Variants in EDIL3 observed in about 807,000 individuals in gnomAD.
EDIL3 encodes the protein EGF like and discoidin domains 3.
In EDIL3, 37 loss-of-function variants were observed where a neutral mutation model predicts 67.4. The ratio of observed to expected loss-of-function variants is 0.55; its 90% CI spans 0.42 to 0.72. The LOEUF is 0.72. EDIL3 is among the 30% of genes least tolerant of loss of function. EDIL3 has a pLI of 0.00. For synonymous variants in EDIL3, 195 were observed against 196.3 expected (o/e 0.99, Z 0.05); for missense variants, 527 against 586.3 (o/e 0.90, Z 1.04).
intron 1 of EDIL3, among the ~76,000 whole-genome samples, chr5:84,374,002 C>T (rs1275601550): frequency 6.6e-5 from 10 of 151,552 alleles, no homozygotes; most frequent in South Asian, 2.1e-4. Flanking sequence ...TTTAAGGGGA[C>T]GAATGATGGA....
At chr5:84,167,857 G>A (rs1748736066) in intron 4 of EDIL3, among the ~76,000 whole-genome samples, 1 of 152,096 alleles carries the variant, frequency 6.6e-6, no homozygotes, top group South Asian at 2.1e-4. Context: ...CAACAACCAT[G>A]CTGTCATTAT....
At chr5:84,034,129 G>C (rs554535219) in intron 9 of EDIL3, among the ~76,000 whole-genome samples, 88 of 152,248 alleles carry the variant, frequency 5.8e-4, no homozygotes, top group African/African-American at 2.1e-3. Context: ...TTTTAAAAGA[G>C]TAATTTGTCA....
intron 10 of EDIL3, among the ~76,000 whole-genome samples, chr5:83,948,654 T>G (rs1002337825): frequency 1.3e-5 from 2 of 151,776 alleles, no homozygotes; most frequent in African/African-American, 4.8e-5. Context: ...TTTTTAAACA[T>G]TTTAGTTAGT....
At chr5:83,947,594 T>G (rs1445529453) in intron 10 of EDIL3, among the ~76,000 whole-genome samples, 1 of 151,836 alleles carries the variant, frequency 6.6e-6, no homozygotes, top group Non-Finnish European at 1.5e-5. Flanking sequence ...GGAAGAGAAC[T>G]CAGAGATCTG....
intron 1 of EDIL3, among the ~76,000 whole-genome samples, chr5:84,358,755 G>A (rs1370861981): frequency 4.0e-5 from 6 of 151,542 alleles, no homozygotes; most frequent in Non-Finnish European, 7.4e-5. Context: ...GACTACAGGC[G>A]CCTGCCACAA....
intron 1 of EDIL3, among the ~76,000 whole-genome samples, chr5:84,367,967 C>G (rs1014454116): frequency 6.6e-6 from 1 of 152,122 alleles, no homozygotes; most frequent in African/African-American, 2.4e-5. Flanking sequence ...ATAAGTACAA[C>G]TATAAGGTGA....
intron 4 of EDIL3, among the ~76,000 whole-genome samples, chr5:84,149,527 A>G (rs577512992): frequency 6.6e-6 from 1 of 152,296 alleles, no homozygotes; most frequent in East Asian, 1.9e-4. Context: ...GAAGGATCAA[A>G]CTGTTTCCAA....
At chr5:84,278,497 A>C (rs868014700) in intron 1 of EDIL3, among the ~76,000 whole-genome samples, 5 of 152,102 alleles carry the variant, frequency 3.3e-5, no homozygotes, top group Non-Finnish European at 5.9e-5. Context: ...TGATCTTCTC[A>C]TTTTCATTCT....
chr5:84,334,804 C>T (rs921580741), intron 1 of EDIL3, among the ~76,000 whole-genome samples: 1 of 151,960 alleles, frequency 6.6e-6, no homozygotes, highest in Non-Finnish European at 1.5e-5. Context: ...TCAGTAAATA[C>T]TATTTTTTAA....
At chr5:84,210,425 A>G (rs1042179123) in intron 3 of EDIL3, among the ~76,000 whole-genome samples, 4 of 152,136 alleles carry the variant, frequency 2.6e-5, no homozygotes, top group Admixed American at 2.6e-4. Flanking sequence ...TTAAAGTTGG[A>G]CAAACTGTAT....
At chr5:84,178,407 C>A (rs556589479) in intron 4 of EDIL3, among the ~76,000 whole-genome samples, 4 of 152,234 alleles carry the variant, frequency 2.6e-5, no homozygotes, top group Admixed American at 2.0e-4. Context: ...GCAATCCTTG[C>A]AAGAGTTTAA....
At chr5:84,305,073 C>G (rs892015813) in intron 1 of EDIL3, among the ~76,000 whole-genome samples, 1 of 152,080 alleles carries the variant, frequency 6.6e-6, no homozygotes, top group Non-Finnish European at 1.5e-5. Flanking sequence ...TGCAAACTAA[C>G]AGAATAAAAT....
At chr5:84,310,296 G>A (rs1035891398) in intron 1 of EDIL3, among the ~76,000 whole-genome samples, 1 of 152,090 alleles carries the variant, frequency 6.6e-6, no homozygotes, top group Non-Finnish European at 1.5e-5. Context: ...ATTAATGAAG[G>A]TAATTTATCC....
At chr5:84,369,568 T>C (rs1034455417) in intron 1 of EDIL3, among the ~76,000 whole-genome samples, 3 of 151,980 alleles carry the variant, frequency 2.0e-5, no homozygotes, top group East Asian at 3.9e-4. Flanking sequence ...AGGATGGTGG[T>C]TGTCAGGGGC....
At chr5:84,194,433 G>A (rs933984258) in intron 3 of EDIL3, among the ~76,000 whole-genome samples, 6 of 151,848 alleles carry the variant, frequency 4.0e-5, no homozygotes, top group African/African-American at 9.7e-5. Flanking sequence ...TAAACAATGT[G>A]TGGAAGAAAA....
At chr5:84,178,830 C>T (rs1016780273) in intron 4 of EDIL3, among the ~76,000 whole-genome samples, 2 of 152,138 alleles carry the variant, frequency 1.3e-5, no homozygotes, top group Non-Finnish European at 2.9e-5. Context: ...CACTGCAATT[C>T]CCACTGCAAT....
At chr5:84,236,853 A>G (rs1179713497) in intron 2 of EDIL3, among the ~76,000 whole-genome samples, 1 of 152,028 alleles carries the variant, frequency 6.6e-6, no homozygotes, top group African/African-American at 2.4e-5. Context: ...GGCAAATAAA[A>G]CGAAGAAACT....
At chr5:84,224,187 T>C (rs975162653) in intron 3 of EDIL3, among the ~76,000 whole-genome samples, 5 of 151,588 alleles carry the variant, frequency 3.3e-5, no homozygotes, top group Non-Finnish European at 4.4e-5. Flanking sequence ...CTCTACTGTA[T>C]CATTTTCTAA....
At chr5:84,068,284 A>T (rs1481255877) in intron 6 of EDIL3, among the ~76,000 whole-genome samples, 1 of 152,136 alleles carries the variant, frequency 6.6e-6, no homozygotes, top group Non-Finnish European at 1.5e-5. Flanking sequence ...TTTCCAATAC[A>T]TACAATATGC....
Sources: allele counts gnomAD v4.1 joint callset (sites outside exome capture counted in the v4.1 genomes callset), GRCh38; gene constraint gnomAD v4.1.1; transcripts MANE v1.5; gene names NCBI Gene and HGNC (gene_info 2026-07-23, HGNC 2026-07-21).